ASIC2: variants seen among roughly 807,000 people sequenced by gnomAD.
The protein encoded by ASIC2 is acid sensing ion channel subunit 2.
ASIC2 carries 25 observed loss-of-function variants against 57.3 expected under a neutral mutation model. The ratio of observed to expected loss-of-function variants is 0.44; its 90% confidence interval spans 0.32 to 0.61. The LOEUF (loss-of-function observed/expected upper bound fraction) is 0.61, where lower values mean the gene tolerates loss of function less well. Among genes scored for constraint, ASIC2 ranks in the 20% least tolerant of loss-of-function variants. ASIC2 has a pLI of 0.06. For missense variants in ASIC2, 641 were observed against 738.1 expected, an observed-to-expected ratio of 0.87 and a Z score of 1.52; for synonymous variants, 319 against 307.5, an observed-to-expected ratio of 1.04 and a Z score of -0.39.
At chr17:33,824,155 A>T (rs954304803) in intron 1 of ASIC2, among the ~76,000 whole-genome samples, 3 of 152,226 alleles carry the variant, frequency 2.0e-5, no homozygotes, top group Non-Finnish European at 2.9e-5. Context: ...TGGAGGTCTC[A>T]GAACTCCAAA....
At chr17:33,287,334 G>A (rs1300424719) in intron 1 of ASIC2, among the ~76,000 whole-genome samples, 1 of 152,220 alleles carries the variant, frequency 6.6e-6, no homozygotes, top group African/African-American at 2.4e-5. Flanking sequence ...CAGAGAGAGA[G>A]CCATTGCTCC....
At position 33,254,632 on chromosome 17, in the gene ASIC2, C is replaced by T. The variant is rs368826868; in HGVS notation, c.708+36776G>A. Reference sequence around the variant, plus strand: ...TCTATTCATCCTTCAGAAGGTATCACCTCCTTCATGAAGTCTTCCCTGATT... The same window carrying T: ...TCTATTCATCCTTCAGAAGGTATCATCTCCTTCATGAAGTCTTCCCTGATT... On this transcript the variant is annotated intron_variant, in intron 1 of 9. Transcript: ENST00000225823. Among the ~76,000 whole-genome samples, 583 of 152,220 alleles carry T rather than the reference C, an allele frequency of 3.8e-3. 5 individuals carry two copies. In the South Asian group the frequency reaches 0.046, roughly 12 times the overall value.
chr17:33,688,494 T>A (rs1908265044), intron 1 of ASIC2, among the ~76,000 whole-genome samples: 1 of 152,196 alleles, frequency 6.6e-6, no homozygotes, highest in Non-Finnish European at 1.5e-5. Context: ...GGGAACAGGC[T>A]GCCATCAAAG....
At chr17:33,070,342 T>TTC (rs1247677054) in intron 3 of ASIC2, among the ~76,000 whole-genome samples, 2 of 1,276 alleles carry the variant, frequency 1.6e-3, no homozygotes, top group African/African-American at 4.4e-3. Context: ...TCGCCATTAC[T>TTC]TTTTTTTTTT....
chr17:33,417,547 A>C (rs1188664742), intron 1 of ASIC2, among the ~76,000 whole-genome samples: 1 of 152,176 alleles, frequency 6.6e-6, no homozygotes, highest in Non-Finnish European at 1.5e-5. Flanking sequence ...CTTTCTTCCA[A>C]ATCAAGTCCT....
chr17:33,848,078 A>G (rs2141913374), intron 1 of ASIC2, among the ~76,000 whole-genome samples: 1 of 152,264 alleles, frequency 6.6e-6, no homozygotes, highest in East Asian at 1.9e-4. Flanking sequence ...GTTAAAATCT[A>G]CATCTGCTTA....
intron 1 of ASIC2, among the ~76,000 whole-genome samples, chr17:33,250,695 C>A (rs538546170): frequency 1.4e-4 from 22 of 152,176 alleles, no homozygotes; most frequent in African/African-American, 5.3e-4. Flanking sequence ...GCATAGAACC[C>A]CAGTGTTTTA....
chr17:33,332,111 C>G lies in ASIC2; in HGVS notation c.556-220044G>C, dbSNP rs565226023. ...GATTCTTTACATCTAAATGATGATGCCTAGTTGACCAAGTGGTGCCTGCAT... is the reference window on the plus strand; with the variant it reads ...GATTCTTTACATCTAAATGATGATGGCTAGTTGACCAAGTGGTGCCTGCAT... On this transcript the variant is annotated intron_variant, in intron 1 of 9. Coordinates refer to the ASIC2 transcript ENST00000359872. Among the ~76,000 whole-genome samples the G allele has an allele frequency of 2.6e-5, 4 of 152,308 alleles. No homozygotes were observed. The South Asian group carries it at 8.3e-4, about 32-fold the overall frequency.
intron 1 of ASIC2, among the ~76,000 whole-genome samples, chr17:33,971,106 G>C (rs1014483259): frequency 6.6e-6 from 1 of 152,146 alleles, no homozygotes; most frequent in African/African-American, 2.4e-5. Context: ...ACCACTCAAA[G>C]GGCACACAGT....
chr17:33,225,541 T>A (rs1053771809), intron 1 of ASIC2, among the ~76,000 whole-genome samples: 2 of 152,216 alleles, frequency 1.3e-5, no homozygotes, highest in African/African-American at 4.8e-5. Context: ...CTCTGATACC[T>A]AGGTTTTGCC....
intron 1 of ASIC2, among the ~76,000 whole-genome samples, chr17:33,481,554 T>C (rs886296938): frequency 4.6e-5 from 7 of 152,230 alleles, no homozygotes; most frequent in African/African-American, 1.7e-4. Context: ...GTCCTTGCTG[T>C]GTCCCCAGTG....
In ASIC2 at chr17:33,232,512, A is replaced by G. The variant is rs574939042; in HGVS notation, c.708+58896T>C. On this transcript the variant is annotated intron_variant, in intron 1 of 9. Coordinates refer to ENST00000225823, the MANE Select transcript of ASIC2 (RefSeq NM_183377.2). ...ATGGTATGGTACGGTATGGTATGGT[A>G]TGGCAGCCCAAGAAAACTAAGACAC... Among the ~76,000 whole-genome samples the G allele has an allele frequency of 2.0e-5, 3 of 152,012 alleles. 1 individual carries two copies. The South Asian group carries it at 6.3e-4, about 32-fold the overall frequency.
At chr17:33,912,601 G>C (rs947133303) in intron 1 of ASIC2, among the ~76,000 whole-genome samples, 7 of 152,142 alleles carry the variant, frequency 4.6e-5, no homozygotes, top group African/African-American at 1.7e-4. Flanking sequence ...CATCCCTGGG[G>C]AGTCCTGTGT....
chr17:34,120,892 C>T (rs1911598243), intron 1 of ASIC2, among the ~76,000 whole-genome samples: 1 of 150,812 alleles, frequency 6.6e-6, no homozygotes, highest in Admixed American at 6.6e-5. Flanking sequence ...GCGCCTGCCA[C>T]CACGCCTGGC....
At chr17:33,976,972 G>A (rs527359420) in intron 1 of ASIC2, among the ~76,000 whole-genome samples, 4 of 152,108 alleles carry the variant, frequency 2.6e-5, no homozygotes, top group South Asian at 4.2e-4. Flanking sequence ...ATTTAACCTC[G>A]TTGTGGCGAT....
chr17:33,563,886 G>A (rs116630962), intron 1 of ASIC2, among the ~76,000 whole-genome samples: 178 of 152,218 alleles, frequency 1.2e-3, no homozygotes, highest in African/African-American at 4.3e-3. Context: ...CAGCAGGATG[G>A]GCTTCCTTTC....
chr17:34,122,544 GC>G (rs1442631720), intron 1 of ASIC2, among the ~76,000 whole-genome samples: 1 of 152,224 alleles, frequency 6.6e-6, no homozygotes, highest in Non-Finnish European at 1.5e-5. Flanking sequence ...GTCACACCCA[GC>G]TACATGTGTC....
At chr17:33,700,379 G>C (rs1157348315) in intron 1 of ASIC2, among the ~76,000 whole-genome samples, 1 of 152,094 alleles carries the variant, frequency 6.6e-6, no homozygotes. Flanking sequence ...AACACAAAGA[G>C]ATCCCTAGCT....
intron 1 of ASIC2, among the ~76,000 whole-genome samples, chr17:33,484,648 C>T: frequency 6.6e-6 from 1 of 152,146 alleles, no homozygotes; most frequent in East Asian, 1.9e-4. Context: ...CAGCTCAGAC[C>T]AACTGAGGTA....
Sources: allele counts gnomAD v4.1 joint callset (sites outside exome capture counted in the v4.1 genomes callset), GRCh38; gene constraint gnomAD v4.1.1; transcripts MANE v1.5; gene names NCBI Gene and HGNC (gene_info 2026-07-23, HGNC 2026-07-21).